Variants in PHACTR4 observed in about 807,000 individuals in gnomAD.
The protein encoded by PHACTR4 is protein phosphatase 1, regulatory subunit 124.
A neutral mutation model predicts 72.7 loss-of-function variants in PHACTR4; 51 were observed. The observed-to-expected ratio is 0.70, with a 90% CI of 0.56 to 0.89. PHACTR4 has a LOEUF of 0.89. Ranked by LOEUF, PHACTR4 falls within the 40% of genes least tolerant of loss-of-function variation. The pLI, the probability that PHACTR4 is intolerant of heterozygous loss-of-function variation, is 0.00. For missense variants in PHACTR4, 731 were observed against 861.8 expected, an observed-to-expected ratio of 0.85 and a Z score of 1.90; for synonymous variants, 255 against 302.5, an observed-to-expected ratio of 0.84 and a Z score of 1.63.
At chr1:28,376,955 G>A (rs1245397112) in intron 1 of PHACTR4, among the ~76,000 whole-genome samples, 1 of 149,676 alleles carries the variant, frequency 6.7e-6, no homozygotes, top group Non-Finnish European at 1.5e-5. Flanking sequence ...TTTTTGAAAT[G>A]AGTTTTGCTC....
At chr1:28,483,361 G>A (rs911042894) in intron 9 of PHACTR4, among the ~76,000 whole-genome samples, 5 of 151,724 alleles carry the variant, frequency 3.3e-5, no homozygotes, top group Admixed American at 6.6e-5. Flanking sequence ...AGACCCAGGC[G>A]ATCAAGGCCC....
chr1:28,474,867 G>T (rs77033334), intron 7 of PHACTR4, among the ~76,000 whole-genome samples: 15,762 of 151,870 alleles, frequency 0.1, 1,882 homozygotes, highest in African/African-American at 0.3. Flanking sequence ...AAAGTACAAA[G>T]AATACTCTGC....
intron 1 of PHACTR4, among the ~76,000 whole-genome samples, chr1:28,386,780 T>A (rs1405209089): frequency 6.6e-6 from 1 of 152,154 alleles, no homozygotes; most frequent in African/African-American, 2.4e-5. Flanking sequence ...TCCACCTAGG[T>A]CATTAGATAT....
chr1:28,474,206 T>C (rs1659770375), intron 7 of PHACTR4, 55 bp downstream of exon 7: 1 of 1,463,592 alleles, frequency 6.8e-7, no homozygotes, highest in South Asian at 1.3e-5. Context: ...ATAGCCCTGC[T>C]TGGAAAAAAT....
chr1:28,438,657 G>A (rs964056797), intron 2 of PHACTR4, among the ~76,000 whole-genome samples: 10 of 151,946 alleles, frequency 6.6e-5, no homozygotes, highest in Non-Finnish European at 1.0e-4. Flanking sequence ...TTAATTTATC[G>A]CTCACAGTTT....
intron 1 of PHACTR4, among the ~76,000 whole-genome samples, chr1:28,383,268 G>A (rs1652325706): frequency 6.6e-6 from 1 of 152,064 alleles, no homozygotes; most frequent in Non-Finnish European, 1.5e-5. Context: ...TAGCCCTGTG[G>A]TATAGTTTGA....
intron 1 of PHACTR4, among the ~76,000 whole-genome samples, chr1:28,383,043 T>C (rs897716941): frequency 1.1e-4 from 16 of 152,158 alleles, no homozygotes; most frequent in African/African-American, 3.9e-4. Flanking sequence ...TCCACCCACG[T>C]TGGCTTACCA....
chr1:28,384,326 G>A (rs756221966), intron 1 of PHACTR4, among the ~76,000 whole-genome samples: 5 of 152,160 alleles, frequency 3.3e-5, no homozygotes, highest in African/African-American at 4.8e-5. Context: ...ATTTATTACT[G>A]ACTCAGTTTC....
At position 28,440,681 on chromosome 1, in the gene PHACTR4, T is replaced by A. The variant is rs545004862; in HGVS notation, c.17-18404T>A. 2.4e-3 allele frequency among the ~76,000 whole-genome samples: 360 copies of A among 152,276 alleles called. 1 individual carries two copies. Among genetic ancestry groups the A allele is most frequent in the African/African-American group, 8.3e-3 (345 of 41,558 alleles). On this transcript the variant is annotated intron_variant, in intron 2 of 13. Coordinates refer to ENST00000373839, the MANE Select transcript of PHACTR4 (RefSeq NM_001048183.3). Reference sequence around the variant, plus strand: ...TACCTAGATAATAAGTAGTTGACTATCAGCAGTTTTCATGGACTGACTCCA... The same window carrying A: ...TACCTAGATAATAAGTAGTTGACTAACAGCAGTTTTCATGGACTGACTCCA...
intron 9 of PHACTR4, among the ~76,000 whole-genome samples, chr1:28,488,341 C>CA: frequency 6.6e-6 from 1 of 151,552 alleles, no homozygotes; most frequent in Admixed American, 6.6e-5. Context: ...ACTAAAAATA[C>CA]AAAAAATTAG....
intron 2 of PHACTR4, among the ~76,000 whole-genome samples, chr1:28,434,567 A>G (rs1049047759): frequency 2.0e-5 from 3 of 151,928 alleles, no homozygotes; most frequent in African/African-American, 7.3e-5. Flanking sequence ...CGATCTGCCT[A>G]CCCTGGCCTC....
chr1:28,430,433 A>G (rs999813766), intron 2 of PHACTR4, among the ~76,000 whole-genome samples: 44 of 152,192 alleles, frequency 2.9e-4, no homozygotes, highest in African/African-American at 9.9e-4. Context: ...AAGAGTTTGC[A>G]GATTACCAGC....
chr1:28,378,534 A>AT (rs1248562951), intron 1 of PHACTR4, among the ~76,000 whole-genome samples: 1 of 147,468 alleles, frequency 6.8e-6, no homozygotes, highest in Admixed American at 6.9e-5. Flanking sequence ...TTTTTTAACC[A>AT]TTTTTTTGTT....
At chr1:28,490,401 G>A (rs1312267915) in intron 10 of PHACTR4, among the ~76,000 whole-genome samples, 9 of 151,788 alleles carry the variant, frequency 5.9e-5, no homozygotes, top group African/African-American at 1.2e-4. Context: ...GCATGGTGGC[G>A]GGCGCCTGTA....
intron 1 of PHACTR4, among the ~76,000 whole-genome samples, chr1:28,385,614 ATTTT>A (rs1225303255): frequency 1.6e-5 from 2 of 126,932 alleles, no homozygotes; most frequent in Non-Finnish European, 3.2e-5. Context: ...TTTTAAGTGA[ATTTT>A]TTTTTTTTTT....
intron 1 of PHACTR4, among the ~76,000 whole-genome samples, chr1:28,373,566 A>G (rs1010064567): frequency 2.6e-5 from 4 of 152,158 alleles, no homozygotes; most frequent in African/African-American, 9.7e-5. Flanking sequence ...CTGGGATTAC[A>G]GGCGTCAGCC....
At position 28,497,583 on chromosome 1, in the gene PHACTR4, A is replaced by G. The variant is rs1437846468; in HGVS notation, c.*1034A>G. 1 of 150,722 alleles carries G rather than the reference A, an allele frequency of 6.6e-6. No homozygotes were observed. The highest frequency in any genetic ancestry group is 1.5e-5 in the Non-Finnish European group (1 of 67,814). The allele number at this position is 150,722 out of a possible 1,614,324, so 9.3% of individuals were successfully genotyped here. ...AGATGAGAAAGCATGTATATTTTCTATATACAAAAACAAGAAAGGCGTTTT... is the reference window on the plus strand; with the variant it reads ...AGATGAGAAAGCATGTATATTTTCTGTATACAAAAACAAGAAAGGCGTTTT... On this transcript the variant is annotated 3_prime_UTR_variant, in exon 14 of 14. Transcript: ENST00000373839.
At position 28,417,324 on chromosome 1, in the gene PHACTR4, G is replaced by C. The variant is rs552907862; in HGVS notation, c.16+9861G>C. Among the ~76,000 whole-genome samples, 27 of 152,066 alleles carry C rather than the reference G, an allele frequency of 1.8e-4. No homozygotes were observed. In the South Asian group the frequency reaches 2.7e-3, roughly 15 times the overall value. On this transcript the variant is annotated intron_variant, in intron 2 of 13. Coordinates refer to ENST00000373839, the MANE Select transcript of PHACTR4 (RefSeq NM_001048183.3). ...CCCCAATATGTACTGTTTTTTTCCTGTATATACATACATACATATGTACCT... is the reference window on the plus strand; with the variant it reads ...CCCCAATATGTACTGTTTTTTTCCTCTATATACATACATACATATGTACCT...
intron 1 of PHACTR4, among the ~76,000 whole-genome samples, chr1:28,379,335 A>G (rs1651952867): frequency 6.8e-6 from 1 of 147,132 alleles, no homozygotes; most frequent in Non-Finnish European, 1.5e-5. Context: ...TGGTGCGACC[A>G]CAGCTCACTG....
Sources: gnomAD v4.1 joint callset for allele counts (sites outside exome capture counted in the v4.1 genomes callset) on GRCh38, gnomAD v4.1.1 for gene constraint, MANE v1.5 for transcripts, NCBI Gene and HGNC (gene_info 2026-07-23, HGNC 2026-07-21) for gene names.